The following ZNF264 variants were observed in gnomAD, a reference collection of about 807,000 sequenced individuals.
ZNF264 encodes the protein zinc finger protein 264.
In ZNF264, 11 loss-of-function variants were observed where a neutral mutation model predicts 11.2. The ratio of observed to expected loss-of-function variants is 0.98; its 90% CI spans 0.62 to 1.63. The LOEUF is 1.63. Ranked by LOEUF, ZNF264 falls within the 40% of genes most tolerant of loss-of-function variation. The pLI, the probability that ZNF264 is intolerant of heterozygous loss-of-function variation, is 0.00. For synonymous variants in ZNF264, 309 were observed against 279.8 expected (o/e 1.10, Z -1.04); for missense variants, 752 against 768.1 (o/e 0.98, Z 0.25).
chr19:57,210,036 G>T (rs551018291), intron 3 of ZNF264, among the ~76,000 whole-genome samples: 108 of 152,184 alleles, frequency 7.1e-4, no homozygotes, highest in African/African-American at 2.6e-3. Flanking sequence ...GCCTTCAATT[G>T]ATATAACATC....
intron 3 of ZNF264, 68 bp from the exon 4 acceptor site, chr19:57,211,286 A>G: frequency 7.2e-7 from 1 of 1,391,474 alleles, no homozygotes; most frequent in Non-Finnish European, 9.7e-7. Context: ...TTTCACAGAA[A>G]TGGTAATATT....
At chr19:57,205,303 G>A in intron 2 of ZNF264, 94 bp from the exon 3 acceptor site, 2 of 1,206,410 alleles carry the variant, frequency 1.7e-6, no homozygotes, top group South Asian at 1.3e-5. Flanking sequence ...TTCACTCCAA[G>A]GTCTGGTCTC....
rs2087387836 is a variant in ZNF264, at chr19:57,217,451, T to A, written c.*4470T>A. 1 of 152,190 alleles carries A rather than the reference T, an allele frequency of 6.6e-6. No homozygotes were observed. Among genetic ancestry groups the A allele is most frequent in the South Asian group, 2.1e-4 (1 of 4,834 alleles). 9.4% of individuals were successfully genotyped at this position (152,190 alleles called of 1,614,324 possible). On this transcript the variant is annotated 3_prime_UTR_variant, in exon 4 of 4. Coordinates refer to ENST00000263095, the MANE Select transcript of ZNF264 (RefSeq NM_003417.5). ...CCTTTTTTTTGAGACCAAGTCTCAC[T>A]CTGTCACCCACGCTGGAGTGCTGTG...
At chr19:57,211,227 TTGAGA>T (rs1208519953) in intron 3 of ZNF264, 122 bp from the exon 4 acceptor site, 2 of 997,784 alleles carry the variant, frequency 2.0e-6, no homozygotes, top group East Asian at 5.3e-5. Flanking sequence ...ACCCAAGAAT[TTGAGA>T]TACAGAAAAT....
Position 57,211,550 on chromosome 19 carries a change from T to C in ZNF264, c.453T>C (p.Pro151=). 1 of 1,614,018 alleles carries C rather than the reference T, an allele frequency of 6.2e-7. No individual in the cohort carries two copies. The highest frequency in any genetic ancestry group is 8.5e-7 in the Non-Finnish European group (1 of 1,179,992). The change falls in exon 4 of 4, where the codon CCT becomes CCC. Residue 151 remains proline, a synonymous_variant. Transcript: ENST00000263095. ...RPGIDPQEKS[P]GKMSPECDGL... ...GAATAGATCCCCAGGAGAAGTCTCC[T>C]GGGAAGATGAGCCCTGAATGTGATG...
At chr19:57,204,119 G>A (rs1458955545) in intron 2 of ZNF264, among the ~76,000 whole-genome samples, 2 of 151,940 alleles carry the variant, frequency 1.3e-5, no homozygotes, top group Non-Finnish European at 2.9e-5. Context: ...CCCGGGCTGA[G>A]GCAGGAGAAT....
Position 57,197,108 on chromosome 19 carries a change from A to G in ZNF264, c.160+3107A>G, listed in dbSNP as rs550874364. Reference sequence around the variant, plus strand: ...TTCTCTTCCTCCGTCAACCGATCATAGGGAACTTCCCATGAGGCCATCGGT... The same window carrying G: ...TTCTCTTCCTCCGTCAACCGATCATGGGGAACTTCCCATGAGGCCATCGGT... On this transcript the variant is annotated intron_variant, in intron 2 of 3. Coordinates refer to ENST00000263095, the MANE Select transcript of ZNF264 (RefSeq NM_003417.5). Among the ~76,000 whole-genome samples the G allele has an allele frequency of 1.5e-3, 221 of 152,020 alleles. 5 individuals carry two copies. The highest frequency in any genetic ancestry group is 5.2e-3 in the African/African-American group (216 of 41,320).
chr19:57,207,545 C>CTTTTTTTTTTTTTTTT (rs757880568), intron 3 of ZNF264, among the ~76,000 whole-genome samples: 17 of 103,114 alleles, frequency 1.6e-4, no homozygotes, highest in South Asian at 3.2e-4. Context: ...TTTTTCTTTT[C>CTTTTTTTTTTTTTTTT]TTTTTTTTTT....
intron 2 of ZNF264, chr19:57,195,019 G>C: frequency 5.2e-6 from 2 of 381,160 alleles, no homozygotes; most frequent in Middle Eastern, 6.8e-4. Context: ...TGGTGACTGT[G>C]TTAACACAGG....
rs575690280 is a variant in ZNF264, at chr19:57,211,640, A to C, written c.543A>C (p.Arg181Ser). The C allele has an allele frequency of 6.2e-7, 1 of 1,614,188 alleles. No homozygotes were observed. The highest frequency in any genetic ancestry group is 1.1e-5 in the South Asian group (1 of 91,078). Residue 181 changes from arginine to serine, a missense_variant, in exon 4 of 4, where the codon AGA becomes AGC. Coordinates refer to ENST00000263095, the MANE Select transcript of ZNF264 (RefSeq NM_003417.5). ...IGQEQVSPGD[R>S]VRSHNSCESG... The stretch of plus-strand genomic sequence containing the variant: ...AGGAGCAAGTCTCTCCAGGAGATAG[A>C]GTCCGTAGCCATAACTCATGTGAGT...
intron 2 of ZNF264, among the ~76,000 whole-genome samples, chr19:57,200,551 G>C (rs118025408): frequency 8.3e-5 from 11 of 131,982 alleles, no homozygotes; most frequent in African/African-American, 2.5e-4. Context: ...TGTCTCTTGT[G>C]TCTTGTGTCT....
chr19:57,197,284 C>T (rs1382348400), intron 2 of ZNF264, among the ~76,000 whole-genome samples: 2 of 151,590 alleles, frequency 1.3e-5, no homozygotes, highest in Non-Finnish European at 1.5e-5. Flanking sequence ...TGTGCGTGAC[C>T]CACTTGATGG....
chr19:57,206,762 C>T (rs1358892808), intron 3 of ZNF264, among the ~76,000 whole-genome samples: 1 of 151,062 alleles, frequency 6.6e-6, no homozygotes, highest in Non-Finnish European at 1.5e-5. Context: ...GCCTCTCCCA[C>T]CTTCTCCTTC....
intron 3 of ZNF264, among the ~76,000 whole-genome samples, chr19:57,208,717 T>C (rs1413516858): frequency 6.6e-6 from 1 of 152,222 alleles, no homozygotes; most frequent in Admixed American, 6.5e-5. Flanking sequence ...AGTGAAATTA[T>C]TGGTTTGTAG....
At position 57,217,676 on chromosome 19, in the gene ZNF264, G is replaced by A. The variant is rs1172170140; in HGVS notation, c.*4695G>A. ...GATCCACCCGCCTCGGCCCCCCAAAGTGCTGGGGTTACAGGTGTGAGCCAC... is the reference window on the plus strand; with the variant it reads ...GATCCACCCGCCTCGGCCCCCCAAAATGCTGGGGTTACAGGTGTGAGCCAC... On this transcript the variant is annotated 3_prime_UTR_variant, in exon 4 of 4. Coordinates refer to ENST00000263095, the MANE Select transcript of ZNF264 (RefSeq NM_003417.5). 6.6e-6 allele frequency: 1 copy of A among 151,512 alleles called. No homozygotes were observed. Among genetic ancestry groups the A allele is most frequent in the African/African-American group, 2.4e-5 (1 of 41,180 alleles). The allele number at this position is 151,512 out of a possible 1,614,324, so 9.4% of individuals were successfully genotyped here. A position where few individuals can be genotyped will look rare whatever the true frequency, so the allele number is the denominator to read the frequency against.
Position 57,212,704 on chromosome 19 carries a change from A to C in ZNF264, c.1607A>C (p.Glu536Ala), listed in dbSNP as rs766472829. The C allele has an allele frequency of 7.4e-6, 12 of 1,614,090 alleles. No homozygotes were observed. Among genetic ancestry groups the C allele is most frequent in the Non-Finnish European group, 1.0e-5 (12 of 1,180,038 alleles). ...CGACATGCCATTATCCACACTGGAG[A>C]GAAGCCCTATAAATGTAGTGAATGT... ...LIRHAIIHTG[E>A]KPYKCSECGK... The change falls in exon 4 of 4, where the codon GAG becomes GCG. Residue 536 changes from glutamate (E) to alanine (A), a missense_variant. Coordinates refer to ENST00000263095, the MANE Select transcript of ZNF264 (RefSeq NM_003417.5).
intron 2 of ZNF264, chr19:57,194,671 T>C (rs1480647643): frequency 2.0e-5 from 8 of 392,822 alleles, no homozygotes; most frequent in Admixed American, 1.8e-4. Context: ...CTTTATATGC[T>C]GGCCTCGCTG....
chr19:57,192,056 C>A (rs1343439946), intron 1 of ZNF264, 110 bp downstream of exon 1: 18 of 1,097,258 alleles, frequency 1.6e-5, no homozygotes, highest in Non-Finnish European at 3.6e-6. Flanking sequence ...AGTCGTCGTT[C>A]GCTTTGGTGT....
At chr19:57,206,484 C>T (rs11880773) in intron 3 of ZNF264, among the ~76,000 whole-genome samples, 29,599 of 151,784 alleles carry the variant, frequency 0.2, 3,206 homozygotes, top group Middle Eastern at 0.28. Flanking sequence ...GTGATCCACC[C>T]GCCTCGGCCT....
Sources: allele counts gnomAD v4.1 joint callset (sites outside exome capture counted in the v4.1 genomes callset), GRCh38; gene constraint gnomAD v4.1.1; transcripts MANE v1.5; gene names NCBI Gene and HGNC (gene_info 2026-07-23, HGNC 2026-07-21).